Variants in EIF4ENIF1 observed in about 807,000 individuals in gnomAD.
The protein encoded by EIF4ENIF1 is eukaryotic translation initiation factor 4E transporter.
In EIF4ENIF1, 23 loss-of-function variants were observed where a neutral mutation model predicts 110.5. The observed-to-expected ratio is 0.21, with a 90% CI of 0.15 to 0.29. The LOEUF (loss-of-function observed/expected upper bound fraction) is 0.29, where lower values mean the gene tolerates loss of function less well. EIF4ENIF1 is among the 10% of genes least tolerant of loss of function. EIF4ENIF1 has a pLI of 1.00. For synonymous variants in EIF4ENIF1, 440 were observed against 437.0 expected, an observed-to-expected ratio of 1.01 and a Z score of -0.09; for missense variants, 1,031 against 1,221.1, an observed-to-expected ratio of 0.84 and a Z score of 2.32.
In EIF4ENIF1 at chr22:31,477,331, C is replaced by G. The variant is rs1044384372; in HGVS notation, c.97-5414G>C. Among the ~76,000 whole-genome samples, 3 of 124,050 alleles carry G rather than the reference C, an allele frequency of 2.4e-5. No individual in the cohort carries two copies. The East Asian group carries it at 8.5e-4, about 35-fold the overall frequency. 81.4% of individuals were successfully genotyped at this position (124,050 alleles called of 152,430 possible). A position where few individuals can be genotyped will look rare whatever the true frequency, so the allele number is the denominator to read the frequency against. ...GCAGTAAGCTGAGATTCTCCAGCCT[C>G]GGCAACAGAACAAGACCTCTGTCTC... On this transcript the variant is annotated intron_variant, in intron 2 of 18. Transcript: ENST00000330125.
intron 1 of EIF4ENIF1, 118 bp downstream of exon 1, chr22:31,489,557 GCCCACCCCCTGCGGGCGCC>G (rs1385212213): frequency 2.1e-5 from 3 of 140,642 alleles, no homozygotes; most frequent in African/African-American, 5.3e-5. Context: ...TCGCGCCCCT[GCCCACCCCCTGCGGGCGCC>G]CCGGCGCCCG....
chr22:31,490,312 G>A (rs958519442), upstream of EIF4ENIF1, among the ~76,000 whole-genome samples: 1 of 152,252 alleles, frequency 6.6e-6, no homozygotes, highest in African/African-American at 2.4e-5. Flanking sequence ...CTTCGGCAGT[G>A]GGAATTTGAG....
intron 2 of EIF4ENIF1, among the ~76,000 whole-genome samples, chr22:31,472,126 T>C (rs2051401241): frequency 6.6e-6 from 1 of 152,208 alleles, no homozygotes; most frequent in Non-Finnish European, 1.5e-5. Flanking sequence ...GATCAGTTTC[T>C]GGCTAAAACA....
intron 14 of EIF4ENIF1, among the ~76,000 whole-genome samples, chr22:31,446,570 A>G (rs959631642): frequency 1.3e-5 from 2 of 152,176 alleles, no homozygotes; most frequent in African/African-American, 4.8e-5. Flanking sequence ...TTAAGTACCG[A>G]GTATTTTAAA....
At chr22:31,477,045 C>T (rs2051601207) in intron 2 of EIF4ENIF1, among the ~76,000 whole-genome samples, 2 of 150,144 alleles carry the variant, frequency 1.3e-5, no homozygotes, top group Admixed American at 1.3e-4. Context: ...CTTGGTTGAG[C>T]CCAGGAGATC....
upstream of EIF4ENIF1, among the ~76,000 whole-genome samples, chr22:31,491,019 CAA>C (rs1339152293): frequency 1.3e-5 from 2 of 152,150 alleles, no homozygotes; most frequent in Non-Finnish European, 2.9e-5. Context: ...GTGTTTCTTA[CAA>C]ACTGTTTTTT....
intron 14 of EIF4ENIF1, among the ~76,000 whole-genome samples, chr22:31,445,386 T>A (rs1326125258): frequency 1.3e-5 from 2 of 152,190 alleles, no homozygotes; most frequent in Non-Finnish European, 2.9e-5. Context: ...CCAAGTATAG[T>A]CACTGACCTG....
chr22:31,476,039 G>A (rs1257108423), intron 2 of EIF4ENIF1, among the ~76,000 whole-genome samples: 4 of 151,974 alleles, frequency 2.6e-5, no homozygotes, highest in Non-Finnish European at 4.4e-5. Flanking sequence ...AAGGACAAGA[G>A]GGCTTAAAAT....
At chr22:31,475,523 A>G (rs1453653505) in intron 2 of EIF4ENIF1, among the ~76,000 whole-genome samples, 1 of 152,048 alleles carries the variant, frequency 6.6e-6, no homozygotes, top group African/African-American at 2.4e-5. Flanking sequence ...AGGCTGAGGC[A>G]GGCAGATCAC....
intron 4 of EIF4ENIF1, among the ~76,000 whole-genome samples, chr22:31,466,626 G>C (rs1262002837): frequency 1.5e-5 from 2 of 131,004 alleles, no homozygotes; most frequent in Non-Finnish European, 3.2e-5. Context: ...GCTTGCTTGG[G>C]AAGGGGGAAG....
downstream of EIF4ENIF1, chr22:31,437,085 G>T (rs997914625): frequency 2.0e-5 from 3 of 152,136 alleles, no homozygotes; most frequent in Non-Finnish European, 4.4e-5. Context: ...CCTAGGGGAA[G>T]GCCTAGCTGC....
At chr22:31,441,032 G>A (rs989344398) in intron 17 of EIF4ENIF1, among the ~76,000 whole-genome samples, 164 bp from the exon 18 acceptor site, 1 of 152,198 alleles carries the variant, frequency 6.6e-6, no homozygotes, top group Non-Finnish European at 1.5e-5. Flanking sequence ...CAAAGCAGGC[G>A]GACCACGAGG....
rs756577462 is a variant in EIF4ENIF1 at position 31,462,980 on chromosome 22, G to C, written c.739C>G (p.His247Asp). ...CGCCTTGTTCTTTTTCTCCCTTTGT[G>C]ATCTTCTTCTAGTATCTTATCATCA... ...GFDDKILEED[H>D]KGRKRTRRRT... Residue 247 changes from histidine (H) to aspartate (D), a missense_variant, in exon 6 of 19, where the codon CAC becomes GAC. Physicochemically the swap from His to Asp is moderately conservative, Grantham distance 81. Coordinates refer to ENST00000330125, the MANE Select transcript of EIF4ENIF1 (RefSeq NM_019843.4). The C allele has an allele frequency of 1.9e-6, 3 of 1,614,022 alleles. No homozygotes were observed. Among genetic ancestry groups the C allele is most frequent in the Non-Finnish European group, 2.5e-6 (3 of 1,180,004 alleles).
chr22:31,450,839 T>C (rs1330385470), intron 10 of EIF4ENIF1: 5 of 142,326 alleles, frequency 3.5e-5, no homozygotes, highest in Non-Finnish European at 5.6e-5. Flanking sequence ...CACATATATA[T>C]ATACTACACA....
rs147844185 is a variant in EIF4ENIF1 at position 31,445,971 on chromosome 22, C to G, written c.1989-1281G>C. ...ACGTACCGCCCCCCCCCCCCATCTACCTCACAGGGTTGATATGAAGATCAT... is the reference window on the plus strand; with the variant it reads ...ACGTACCGCCCCCCCCCCCCATCTAGCTCACAGGGTTGATATGAAGATCAT... On this transcript the variant is annotated intron_variant, in intron 14 of 18. Coordinates refer to ENST00000330125, the MANE Select transcript of EIF4ENIF1 (RefSeq NM_019843.4). 6.7e-4 allele frequency among the ~76,000 whole-genome samples: 94 copies of G among 140,780 alleles called. 1 individual carries two copies. The highest frequency in any genetic ancestry group is 2.3e-3 in the African/African-American group (86 of 37,488). 92.4% of individuals were successfully genotyped at this position (140,780 alleles called of 152,430 possible). A position where few individuals can be genotyped will look rare whatever the true frequency, so the allele number is the denominator to read the frequency against.
Position 31,468,269 on chromosome 22 carries a change from G to A in EIF4ENIF1, c.204C>T (p.Ala68=), listed in dbSNP as rs1195120217. The A allele has an allele frequency of 6.2e-7, 1 of 1,614,140 alleles. No individual in the cohort carries two copies. Among genetic ancestry groups the A allele is most frequent in the South Asian group, 1.1e-5 (1 of 91,084 alleles). ...TCCGCCCTGAAGCTGGGTAGAGAGA[G>A]GCATGCCACTTCTCAGGGTCCCAGA... ...DGVWDPEKWH[A]SLYPASGRSS... Residue 68 remains alanine (A), a synonymous_variant, in exon 4 of 19, where the codon GCC becomes GCT. Transcript: ENST00000330125.
chr22:31,455,436 T>C, intron 8 of EIF4ENIF1, 121 bp from the exon 9 acceptor site: 1 of 918,900 alleles, frequency 1.1e-6, no homozygotes, highest in Non-Finnish European at 1.5e-6. Context: ...TTTCGCTTTT[T>C]CGCCCAGGCT....
chr22:31,480,010 C>A (rs2051751628), intron 2 of EIF4ENIF1, among the ~76,000 whole-genome samples: 1 of 152,078 alleles, frequency 6.6e-6, no homozygotes, highest in Admixed American at 6.6e-5. Flanking sequence ...CTGTGCCTAG[C>A]CTGGAAAGTC....
In EIF4ENIF1 at chr22:31,441,935, G is replaced by T; in HGVS notation, c.2390C>A (p.Ser797Tyr). The T allele has an allele frequency of 6.2e-7, 1 of 1,614,222 alleles. No individual in the cohort carries two copies. Among genetic ancestry groups the T allele is most frequent in the Non-Finnish European group, 8.5e-7 (1 of 1,180,040 alleles). The change falls in exon 17 of 19, where the codon TCC (serine) becomes TAC (tyrosine). Residue 797 changes from serine (S) to tyrosine (Y), a missense_variant. Around this residue, in one of 3 missense-constraint regions of EIF4ENIF1, gnomAD observed 309 missense variants for 299.1 expected, o/e 1.03. Transcript: ENST00000330125. Reference sequence around the variant, plus strand: ...GAGAAAAGGTGTTGTAGGAACTGGGGATGCCAAGGTGGGTGTTTTTCTCCC... The same window carrying T: ...GAGAAAAGGTGTTGTAGGAACTGGGTATGCCAAGGTGGGTGTTTTTCTCCC... Reference protein sequence around the residue: ...ATGRKTPTLASPVPTTPFLRP... With the variant: ...ATGRKTPTLAYPVPTTPFLRP...
Sources: gnomAD v4.1 joint callset for allele counts (sites outside exome capture counted in the v4.1 genomes callset) on GRCh38, gnomAD v4.1.1 for gene constraint, gnomAD v4.1.1 regional missense constraint, MANE v1.5 for transcripts, NCBI Gene and HGNC (gene_info 2026-07-23, HGNC 2026-07-21) for gene names.